The following LUC7L2 variants were observed in gnomAD, a reference collection of about 807,000 sequenced individuals.
LUC7L2 encodes the protein putative RNA-binding protein Luc7-like 2.
In LUC7L2, 25 loss-of-function variants were observed where a neutral mutation model predicts 52.8. The ratio of observed to expected loss-of-function variants is 0.47; its 90% CI spans 0.34 to 0.66. The LOEUF (loss-of-function observed/expected upper bound fraction) is 0.66. Among genes scored for constraint, LUC7L2 ranks in the 30% least tolerant of loss-of-function variants. LUC7L2 has a pLI of 0.01. For missense variants in LUC7L2, 328 were observed against 497.8 expected, an observed-to-expected ratio of 0.66 and a Z score of 3.25; for synonymous variants, 144 against 160.9, an observed-to-expected ratio of 0.89 and a Z score of 0.80.
At chr7:139,402,354 C>A (rs143369954) in intron 4 of LUC7L2, 107 bp downstream of exon 4, 15 of 1,113,060 alleles carry the variant, frequency 1.3e-5, no homozygotes, top group Middle Eastern at 5.8e-4. Context: ...AAGACATATA[C>A]AAGGAATTCT....
chr7:139,394,082 G>A (rs1569383907), intron 2 of LUC7L2, among the ~76,000 whole-genome samples: 2 of 152,004 alleles, frequency 1.3e-5, no homozygotes, highest in Non-Finnish European at 2.9e-5. Context: ...AAGAAGAATA[G>A]CTCAAAACAC....
intron 2 of LUC7L2, among the ~76,000 whole-genome samples, chr7:139,397,449 C>A (rs559242452): frequency 1.3e-5 from 2 of 152,296 alleles, no homozygotes; most frequent in East Asian, 3.9e-4. Context: ...TGAAGTCAGA[C>A]TGTCTGTGTC....
rs1361510200 is a variant in LUC7L2, at chr7:139,423,169, CTG to C, written c.*831_*832del. 5 of 399,020 alleles carry C rather than the reference CTG, an allele frequency of 1.3e-5. No homozygotes were observed. The highest frequency in any genetic ancestry group is 1.8e-5 in the Non-Finnish European group (4 of 226,052). 24.7% of individuals were successfully genotyped at this position (399,020 alleles called of 1,614,324 possible). A position where few individuals can be genotyped will look rare whatever the true frequency, so the allele number is the denominator to read the frequency against. ...AACAATCACCACCACCATTATTAAACTGTAACTTGTCTAGTAAATTGTCACTA... is the reference window on the plus strand; with the variant it reads ...AACAATCACCACCACCATTATTAAACTAACTTGTCTAGTAAATTGTCACTA... On this transcript the variant is annotated 3_prime_UTR_variant, in exon 10 of 10. Coordinates refer to ENST00000354926, the MANE Select transcript of LUC7L2 (RefSeq NM_016019.5).
intron 1 of LUC7L2, chr7:139,371,314 A>C: frequency 1.4e-6 from 1 of 710,902 alleles, no homozygotes; most frequent in South Asian, 1.5e-5. Context: ...GCATACCATT[A>C]AATATGTCAA....
At chr7:139,409,313 CAA>C (rs529185746) in intron 6 of LUC7L2, among the ~76,000 whole-genome samples, 1 of 119,610 alleles carries the variant, frequency 8.4e-6, no homozygotes, top group South Asian at 2.8e-4. Context: ...AAAAAAAAAA[CAA>C]AAAAAAAAAC....
chr7:139,403,972 C>G (rs1388128284), intron 4 of LUC7L2, among the ~76,000 whole-genome samples: 1 of 151,956 alleles, frequency 6.6e-6, no homozygotes, highest in South Asian at 2.1e-4. Flanking sequence ...AGTCAGAGTA[C>G]GATGGTACAC....
intron 1 of LUC7L2, among the ~76,000 whole-genome samples, chr7:139,373,042 C>A (rs904405947): frequency 2.0e-5 from 3 of 152,092 alleles, no homozygotes; most frequent in African/African-American, 7.2e-5. Context: ...AAAATAATTT[C>A]TTGTATTATA....
intron 1 of LUC7L2, chr7:139,374,330 T>C (rs1022165491): frequency 1.0e-5 from 11 of 1,073,214 alleles, no homozygotes; most frequent in Non-Finnish European, 1.4e-5. Flanking sequence ...TTCTAGATGC[T>C]GTATTGAAAT....
intron 1 of LUC7L2, among the ~76,000 whole-genome samples, chr7:139,348,956 A>G (rs966484225): frequency 1.3e-5 from 2 of 152,076 alleles, no homozygotes; most frequent in African/African-American, 4.8e-5. Flanking sequence ...AGGTCAGGAG[A>G]TTGAGACCAT....
chr7:139,407,419 C>T lies in LUC7L2; in HGVS notation c.687+69C>T, dbSNP rs1795175554. On this transcript the variant is annotated intron_variant, in intron 6 of 9. Coordinates refer to ENST00000354926, the MANE Select transcript of LUC7L2 (RefSeq NM_016019.5). Reference sequence around the variant, plus strand: ...GATCTGTATCAGTTGCCTTTTTGTACAATATTCTTGACTATGATTCAGTAA... The same window carrying T: ...GATCTGTATCAGTTGCCTTTTTGTATAATATTCTTGACTATGATTCAGTAA... 2.7e-6 allele frequency: 4 copies of T among 1,494,378 alleles called. No individual in the cohort carries two copies. In the African/African-American group the frequency reaches 4.2e-5, roughly 16 times the overall value. 92.6% of individuals were successfully genotyped at this position (1,494,378 alleles called of 1,614,324 possible).
chr7:139,381,795 C>T (rs1477835816), intron 2 of LUC7L2, among the ~76,000 whole-genome samples: 5 of 151,590 alleles, frequency 3.3e-5, no homozygotes, highest in South Asian at 2.1e-4. Flanking sequence ...AGGCTGGTCT[C>T]GAACTGCTGA....
Position 139,407,436 on chromosome 7 carries a change from A to G in LUC7L2, c.687+86A>G, listed in dbSNP as rs77827749. 4.9e-5 allele frequency: 70 copies of G among 1,414,318 alleles called. No homozygotes were observed. The East Asian group carries it at 1.4e-3, about 27-fold the overall frequency. 87.6% of individuals were successfully genotyped at this position (1,414,318 alleles called of 1,614,324 possible). A position where few individuals can be genotyped will look rare whatever the true frequency, so the allele number is the denominator to read the frequency against. ...TTTTTGTACAATATTCTTGACTATG[A>G]TTCAGTAATATAGTATCTAATGATT... On this transcript the variant is annotated intron_variant, in intron 6 of 9. Coordinates refer to ENST00000354926, the MANE Select transcript of LUC7L2 (RefSeq NM_016019.5).
chr7:139,350,400 T>A (rs148671034), intron 1 of LUC7L2, among the ~76,000 whole-genome samples: 6 of 152,046 alleles, frequency 3.9e-5, no homozygotes, highest in East Asian at 1.9e-4. Flanking sequence ...GGATTACAGG[T>A]GTGAGCCACT....
At chr7:139,364,727 C>G (rs1383684006) in intron 1 of LUC7L2, among the ~76,000 whole-genome samples, 1 of 152,178 alleles carries the variant, frequency 6.6e-6, no homozygotes, top group African/African-American at 2.4e-5. Context: ...ACATTTCTGC[C>G]TTTCTGCAAA....
Position 139,382,493 on chromosome 7 carries a change from C to G in LUC7L2, c.156+6337C>G, listed in dbSNP as rs552060229. Among the ~76,000 whole-genome samples, 3 of 152,130 alleles carry G rather than the reference C, an allele frequency of 2.0e-5. No individual in the cohort carries two copies. In the East Asian group the frequency reaches 5.8e-4, roughly 29 times the overall value. ...TCCCTCCTGAGTTCGAGTGATTTTC[C>G]TGCTAGTCTCCCAAGTAGCTAGAAC... On this transcript the variant is annotated intron_variant, in intron 2 of 9. Transcript: ENST00000354926.
chr7:139,375,555 G>T, intron 1 of LUC7L2: 1 of 985,558 alleles, frequency 1.0e-6, no homozygotes. Context: ...AAGAAATGGC[G>T]TCTGGGGTTC....
rs552497761 is a variant in LUC7L2 at position 139,422,424 on chromosome 7, T to C, written c.*84T>C. 3.2e-5 allele frequency: 48 copies of C among 1,508,372 alleles called. No individual in the cohort carries two copies. The African/African-American group carries it at 6.1e-4, about 19-fold the overall frequency. The allele number at this position is 1,508,372 out of a possible 1,614,324, so 93.4% of individuals were successfully genotyped here. Reference sequence around the variant, plus strand: ...AGTTCACAGCTGTTCAGGGTGACAGTGAGCAGATCCAGACACCAGATCCAG... The same window carrying C: ...AGTTCACAGCTGTTCAGGGTGACAGCGAGCAGATCCAGACACCAGATCCAG... On this transcript the variant is annotated 3_prime_UTR_variant, in exon 10 of 10. Transcript: ENST00000354926.
At chr7:139,342,121 A>C (rs1489456115) in intron 1 of LUC7L2, among the ~76,000 whole-genome samples, 2 of 152,150 alleles carry the variant, frequency 1.3e-5, no homozygotes, top group Non-Finnish European at 2.9e-5. Flanking sequence ...CTAGTTTTTA[A>C]AAGGTGGCAA....
At chr7:139,413,521 C>CCATCA (rs1375729247) in intron 8 of LUC7L2, among the ~76,000 whole-genome samples, 1 of 152,188 alleles carries the variant, frequency 6.6e-6, no homozygotes, top group African/African-American at 2.4e-5. Flanking sequence ...CACGCTTATA[C>CCATCA]CATCACAGCT....
Sources: allele counts gnomAD v4.1 joint callset (sites outside exome capture counted in the v4.1 genomes callset), GRCh38; gene constraint gnomAD v4.1.1; transcripts MANE v1.5; gene names NCBI Gene and HGNC (gene_info 2026-07-23, HGNC 2026-07-21).